Variants in AP4S1 observed in about 807,000 individuals in gnomAD.
AP4S1 encodes AP-4 complex subunit sigma-1.
AP4S1 carries 23 observed loss-of-function variants against 19.8 expected under a neutral mutation model. That is an observed-to-expected ratio of 1.16 (90% CI 0.84 to 1.65). The LOEUF (loss-of-function observed/expected upper bound fraction) is 1.65. Among genes scored for constraint, AP4S1 ranks in the 40% most tolerant of loss-of-function variants. The pLI is 0.00. For missense variants in AP4S1, 166 were observed against 172.8 expected, an observed-to-expected ratio of 0.96 and a Z score of 0.22; for synonymous variants, 46 against 54.1, an observed-to-expected ratio of 0.85 and a Z score of 0.66.
intron 4 of AP4S1, chr14:31,073,200 A>C (rs1887112710): frequency 1.4e-5 from 7 of 488,736 alleles, no homozygotes; most frequent in East Asian, 3.9e-5. Flanking sequence ...AAAAAAAAAA[A>C]CCTCTTATAG....
In AP4S1 at chr14:31,089,198, A is replaced by T. The variant is rs145959391; in HGVS notation, c.307-3709A>T. Reference sequence around the variant, plus strand: ...AAAAAAAAAGTGAACAGAAGACTATACTATACTACAAGAAGAATGTCTCCA... The same window carrying T: ...AAAAAAAAAGTGAACAGAAGACTATTCTATACTACAAGAAGAATGTCTCCA... On this transcript the variant is annotated intron_variant, in intron 5 of 5. Coordinates refer to ENST00000542754, the MANE Select transcript of AP4S1 (RefSeq NM_001128126.3). 4.7e-3 allele frequency among the ~76,000 whole-genome samples: 720 copies of T among 151,784 alleles called. 8 individuals are homozygous for T. Among genetic ancestry groups the T allele is most frequent in the African/African-American group, 0.016 (675 of 41,396 alleles).
chr14:31,025,941 T>C (rs867807044), intron 1 of AP4S1, 154 bp downstream of exon 1: 1 of 1,599,422 alleles, frequency 6.3e-7, no homozygotes, highest in African/African-American at 1.3e-5. Context: ...GTGCGCCCGC[T>C]CCATCTCGAA....
At chr14:31,048,291 G>A (rs927596031) in intron 1 of AP4S1, among the ~76,000 whole-genome samples, 3 of 151,294 alleles carry the variant, frequency 2.0e-5, no homozygotes, top group Admixed American at 6.6e-5. Context: ...TAGTAGAAAC[G>A]GGGTCCCACC....
intron 1 of AP4S1, among the ~76,000 whole-genome samples, chr14:31,065,847 A>C (rs1566532143): frequency 6.6e-6 from 1 of 151,972 alleles, no homozygotes; most frequent in Non-Finnish European, 1.5e-5. Context: ...TTTTTAGTAG[A>C]GACAGGGTTT....
At chr14:31,080,155 C>T (rs138406832) in intron 4 of AP4S1, among the ~76,000 whole-genome samples, 1 of 152,170 alleles carries the variant, frequency 6.6e-6, no homozygotes, top group Non-Finnish European at 1.5e-5. Context: ...ATTACAAACA[C>T]CATTACCCTG....
At chr14:31,092,371 T>A (rs902777133) in intron 5 of AP4S1, among the ~76,000 whole-genome samples, 2 of 152,210 alleles carry the variant, frequency 1.3e-5, no homozygotes, top group Non-Finnish European at 2.9e-5. Context: ...GCCCAAGCTT[T>A]GGGTTTAAAT....
intron 1 of AP4S1, among the ~76,000 whole-genome samples, chr14:31,032,071 C>CAAAAAAAA (rs71905676): frequency 2.7e-5 from 3 of 110,606 alleles, no homozygotes; most frequent in African/African-American, 3.1e-5. Context: ...GACCTTGTCC[C>CAAAAAAAA]AAAAAAAAAA....
At chr14:31,035,255 T>C (rs1884665531) in intron 1 of AP4S1, among the ~76,000 whole-genome samples, 1 of 136,720 alleles carries the variant, frequency 7.3e-6, no homozygotes, top group South Asian at 2.5e-4. Context: ...AGTGCAGTGG[T>C]GCGATCTCTT....
chr14:31,073,406 C>A (rs113827421), intron 4 of AP4S1, among the ~76,000 whole-genome samples: 58 of 134,908 alleles, frequency 4.3e-4, no homozygotes, highest in Middle Eastern at 7.6e-3. Flanking sequence ...AGGAGAATGG[C>A]GTGAACCCGG....
At chr14:31,033,395 G>A (rs761370038) in intron 1 of AP4S1, among the ~76,000 whole-genome samples, 17 of 152,024 alleles carry the variant, frequency 1.1e-4, no homozygotes, top group African/African-American at 4.1e-4. Flanking sequence ...TGTATATTTA[G>A]TAGAGACAGG....
chr14:31,094,225 C>G lies in AP4S1; in HGVS notation c.*1190C>G, dbSNP rs1594722320. The G allele has an allele frequency of 6.5e-6, 1 of 153,224 alleles. No homozygotes were observed. The highest frequency in any genetic ancestry group is 1.4e-5 in the Non-Finnish European group (1 of 69,012). 9.5% of individuals were successfully genotyped at this position (153,224 alleles called of 1,614,324 possible). On this transcript the variant is annotated 3_prime_UTR_variant, in exon 6 of 6. Transcript: ENST00000542754. ...AGAGAAGCAGGTCTTGCTGTGTTGT[C>G]CAGGCTGGACTGCAGTGGCTTTTCA...
Position 31,026,149 on chromosome 14 carries a change from C to T in AP4S1, c.-72+362C>T, listed in dbSNP as rs752449215. 59 of 1,489,828 alleles carry T rather than the reference C, an allele frequency of 4.0e-5. No homozygotes were observed. In the South Asian group the frequency reaches 7.1e-4, roughly 18 times the overall value. The allele number at this position is 1,489,828 out of a possible 1,614,324, so 92.3% of individuals were successfully genotyped here. The stretch of plus-strand genomic sequence containing the variant: ...TGCTGCCGGGGAGGGGCCGCCATCC[C>T]CGGGCCGCCACCACCGCCTCCGGCA... On this transcript the variant is annotated intron_variant, in intron 1 of 5. Coordinates refer to ENST00000542754, the MANE Select transcript of AP4S1 (RefSeq NM_001128126.3).
intron 3 of AP4S1, among the ~76,000 whole-genome samples, chr14:31,072,461 C>A (rs962510926): frequency 1.3e-4 from 20 of 152,064 alleles, no homozygotes; most frequent in African/African-American, 4.3e-4. Flanking sequence ...GCCTGGAACT[C>A]CTGGGGTCAA....
chr14:31,087,943 T>C (rs1887965857), intron 5 of AP4S1, among the ~76,000 whole-genome samples: 1 of 152,222 alleles, frequency 6.6e-6, no homozygotes, highest in Non-Finnish European at 1.5e-5. Context: ...AAAGCCTCGT[T>C]GCCAGAGAGT....
chr14:31,055,792 A>T (rs1244354168), intron 1 of AP4S1, among the ~76,000 whole-genome samples: 1 of 152,028 alleles, frequency 6.6e-6, no homozygotes, highest in African/African-American at 2.4e-5. Flanking sequence ...AGCTAGAAAG[A>T]ATGTTAATTG....
Position 31,096,072 on chromosome 14 carries a change from A to C in AP4S1, c.*3037A>C, listed in dbSNP as rs2139134858. The C allele has an allele frequency of 6.9e-6, 1 of 144,302 alleles. No homozygotes were observed. The highest frequency in any genetic ancestry group is 2.0e-4 in the East Asian group (1 of 4,970). The allele number at this position is 144,302 out of a possible 1,614,324, so 8.9% of individuals were successfully genotyped here. A position where few individuals can be genotyped will look rare whatever the true frequency, so the allele number is the denominator to read the frequency against. Reference sequence around the variant, plus strand: ...TGCCACTGCACTCCAGCCTGGGCACAGAGTGAGATTCCGTCTCAAAAAAAA... The same window carrying C: ...TGCCACTGCACTCCAGCCTGGGCACCGAGTGAGATTCCGTCTCAAAAAAAA... On this transcript the variant is annotated 3_prime_UTR_variant, in exon 6 of 6. Transcript: ENST00000542754.
chr14:31,076,840 A>G (rs138442059), intron 4 of AP4S1, among the ~76,000 whole-genome samples: 6 of 152,362 alleles, frequency 3.9e-5, no homozygotes, highest in Non-Finnish European at 8.8e-5. Flanking sequence ...TTTAAAAAAG[A>G]ATCAGTAAAG....
At chr14:31,061,485 A>G (rs1261629813) in intron 1 of AP4S1, among the ~76,000 whole-genome samples, 2 of 152,144 alleles carry the variant, frequency 1.3e-5, no homozygotes, top group Non-Finnish European at 1.5e-5. Flanking sequence ...CATCTAAGGA[A>G]CTGTTGCTAA....
At chr14:31,039,611 C>T (rs968968026) in intron 1 of AP4S1, among the ~76,000 whole-genome samples, 2 of 140,068 alleles carry the variant, frequency 1.4e-5, no homozygotes, top group Non-Finnish European at 3.0e-5. Context: ...TTCGCTCTGT[C>T]GCCCAGGCTG....
Sources: allele counts gnomAD v4.1 joint callset (sites outside exome capture counted in the v4.1 genomes callset), GRCh38; gene constraint gnomAD v4.1.1; transcripts MANE v1.5; gene names NCBI Gene and HGNC (gene_info 2026-07-23, HGNC 2026-07-21).